AHRR: variants seen among roughly 807,000 people sequenced by gnomAD.
AHRR encodes aryl hydrocarbon receptor repressor.
In AHRR, 28 loss-of-function variants were observed where a neutral mutation model predicts 44.0. The ratio of observed to expected loss-of-function variants is 0.64; its 90% confidence interval spans 0.47 to 0.87. AHRR has a LOEUF of 0.87. Among genes scored for constraint, AHRR ranks in the 40% least tolerant of loss-of-function variants. AHRR has a pLI of 0.00. For synonymous variants in AHRR, 434 were observed against 407.0 expected (o/e 1.07, Z -0.80); for missense variants, 990 against 953.9 (o/e 1.04, Z -0.50).
chr5:353,742 G>C lies in AHRR; in HGVS notation c.75G>C (p.Val25=), dbSNP rs370475780. The C allele has an allele frequency of 2.3e-5, 37 of 1,610,222 alleles. No homozygotes were observed. Among genetic ancestry groups the C allele is most frequent in the Non-Finnish European group, 2.9e-5 (34 of 1,179,194 alleles). Reference sequence around the variant, plus strand: ...CATCTCCCCACAGGAGGCCCGCCGTGGGGGCAGAGAAGTCCAACCCCTCCA... The same window carrying C: ...CATCTCCCCACAGGAGGCCCGCCGTCGGGGCAGAGAAGTCCAACCCCTCCA... The part of the protein sequence containing the change: ...RRPLQKQRPA[V]GAEKSNPSKR... The change falls in exon 3 of 11, where the codon GTG becomes GTC. Residue 25 remains valine (V), a synonymous_variant. Transcript: ENST00000684583.
intron 3 of AHRR, among the ~76,000 whole-genome samples, chr5:376,112 CAG>C (rs1733623972): frequency 9.2e-6 from 1 of 108,512 alleles, no homozygotes; most frequent in African/African-American, 6.1e-5. Context: ...TGCGGGTGTG[CAG>C]GGCACAGAAG....
chr5:389,660 G>T (rs1307086192), intron 4 of AHRR, among the ~76,000 whole-genome samples: 1 of 151,962 alleles, frequency 6.6e-6, no homozygotes, highest in East Asian at 1.9e-4. Flanking sequence ...TCAGAGCACT[G>T]CACGCCTCCA....
intron 4 of AHRR, among the ~76,000 whole-genome samples, chr5:381,133 A>C (rs543400521): frequency 6.6e-6 from 1 of 152,374 alleles, no homozygotes; most frequent in South Asian, 2.1e-4. Flanking sequence ...TGTTTTTCCC[A>C]GCTGGGCCTC....
In AHRR at chr5:337,091, G is replaced by A. The variant is rs1197980109; in HGVS notation, c.-10-6802G>A. The stretch of plus-strand genomic sequence containing the variant: ...TTTCTTTTTAATGTTTTTTTTTAAA[G>A]CCAAACATTTTATTATGGCACTTTT... On this transcript the variant is annotated intron_variant, in intron 1 of 10. Coordinates refer to ENST00000684583, the MANE Select transcript of AHRR (RefSeq NM_001377236.1). This position sits in a 1 kb window ranked among gnomAD's most constrained non-coding sequence, Gnocchi z 4.1. Among the ~76,000 whole-genome samples, 1 of 151,744 alleles carries A rather than the reference G, an allele frequency of 6.6e-6. No homozygotes were observed. The highest frequency in any genetic ancestry group is 1.9e-4 in the East Asian group (1 of 5,186).
At chr5:344,254 G>A (rs1385289928) in intron 2 of AHRR, among the ~76,000 whole-genome samples, 1 of 150,914 alleles carries the variant, frequency 6.6e-6, no homozygotes, top group Non-Finnish European at 1.5e-5. Context: ...GCGGAGCTCC[G>A]GGCGGCAGAG....
chr5:422,644 G>A, intron 5 of AHRR, 85 bp from the exon 6 acceptor site: 1 of 1,592,234 alleles, frequency 6.3e-7, no homozygotes. Context: ...AAGTGGAGTG[G>A]AAATTTTTCG....
intron 4 of AHRR, among the ~76,000 whole-genome samples, 185 bp downstream of exon 4, chr5:376,901 T>C (rs1489582811): frequency 6.6e-6 from 1 of 152,056 alleles, no homozygotes; most frequent in African/African-American, 2.4e-5. Flanking sequence ...TGTCCCTGGG[T>C]CGGGGTCAGC....
chr5:331,389 TG>T (rs201227767), intron 1 of AHRR, among the ~76,000 whole-genome samples: 2 of 19,390 alleles, frequency 1.0e-4, no homozygotes, highest in Non-Finnish European at 2.9e-4. Flanking sequence ...GTGGTATTAG[TG>T]TTTTCCTTTT....
intron 1 of AHRR, among the ~76,000 whole-genome samples, chr5:331,973 G>A (rs929684986): frequency 1.3e-5 from 2 of 152,152 alleles, no homozygotes; most frequent in African/African-American, 4.8e-5. Context: ...TCTTAGCACT[G>A]CTTTTGCTAT....
intron 1 of AHRR, 41 bp from the exon 2 acceptor site, chr5:343,852 C>T: frequency 6.4e-7 from 1 of 1,566,322 alleles, no homozygotes; most frequent in South Asian, 1.1e-5. Flanking sequence ...ACAGGGCGCA[C>T]GTGGCGCGTT....
rs1273707005 is a variant in AHRR, at chr5:434,053, CGT to C, written c.1318_1319del (p.Val440ProfsTer33). On this transcript the variant is annotated frameshift_variant, in exon 11 of 11. Transcript: ENST00000684583. ...CCCCGCGGCTCCTGCCTGCCCTGCC[CGT>C]GTGTCCAGGGCACTTTCAGGAACTC... The C allele has an allele frequency of 6.2e-7, 1 of 1,612,284 alleles. No homozygotes were observed. The highest frequency in any genetic ancestry group is 1.1e-5 in the South Asian group (1 of 90,894).
chr5:423,066 GT>G (rs1736207769), intron 6 of AHRR, among the ~76,000 whole-genome samples: 1 of 152,146 alleles, frequency 6.6e-6, no homozygotes. Context: ...TGTGGCTCGA[GT>G]GTGCTTCACT....
Position 432,847 on chromosome 5 carries a change from C to G in AHRR, c.1012C>G (p.Gln338Glu). The G allele has an allele frequency of 6.2e-7, 1 of 1,613,824 alleles. No homozygotes were observed. The highest frequency in any genetic ancestry group is 8.5e-7 in the Non-Finnish European group (1 of 1,180,024). Residue 338 changes from glutamine (Q) to glutamate (E), a missense_variant, in exon 10 of 11, where the codon CAG (glutamine) becomes GAG (glutamate). Coordinates refer to ENST00000684583, the MANE Select transcript of AHRR (RefSeq NM_001377236.1). ...GAGCGGCGTTTTGGTGCTCAGGGAA[C>G]AGACTGACGCTGGCCGATGGGCACA... ...RESGVLVLRE[Q>E]TDAGRWAQVP...
At chr5:431,150 G>C (rs1224537634) in intron 8 of AHRR, among the ~76,000 whole-genome samples, 1 of 152,208 alleles carries the variant, frequency 6.6e-6, no homozygotes, top group South Asian at 2.1e-4. Context: ...GAGCAGGGCA[G>C]GGCAGGCCTG....
chr5:362,141 G>A (rs147773043), intron 3 of AHRR, among the ~76,000 whole-genome samples: 74 of 152,252 alleles, frequency 4.9e-4, no homozygotes, highest in African/African-American at 1.6e-3. Flanking sequence ...ATTAGCACAC[G>A]TATAAGGAGA....
intron 3 of AHRR, 137 bp from the exon 4 acceptor site, chr5:376,473 G>C: frequency 5.2e-5 from 1 of 19,180 alleles, no homozygotes; most frequent in South Asian, 8.5e-4. Flanking sequence ...GGCCTGCAGA[G>C]GGGTCAGTGC....
Position 367,455 on chromosome 5 carries a change from G to A in AHRR, c.245-9155G>A, listed in dbSNP as rs573782269. ...CATGACCACCCTGCCCCACAGACAC[G>A]GGTCTGAGCTGCAGTGCGTGGTCAA... On this transcript the variant is annotated intron_variant, in intron 3 of 10. Transcript: ENST00000684583. Among the ~76,000 whole-genome samples, 27 of 152,354 alleles carry A rather than the reference G, an allele frequency of 1.8e-4. No individual in the cohort carries two copies. The East Asian group carries it at 5.2e-3, about 29-fold the overall frequency.
chr5:353,718 A>G lies in AHRR; in HGVS notation c.63-12A>G, dbSNP rs780910399. ...TGGAGAAGCCCACCTGACCCAGACC[A>G]TCTCCCCACAGGAGGCCCGCCGTGG... On this transcript the variant is annotated splice_polypyrimidine_tract_variant and intron_variant, in intron 2 of 10. Coordinates refer to ENST00000684583, the MANE Select transcript of AHRR (RefSeq NM_001377236.1). 3.1e-6 allele frequency: 5 copies of G among 1,600,084 alleles called. No homozygotes were observed. Among genetic ancestry groups the G allele is most frequent in the Non-Finnish European group, 3.4e-6 (4 of 1,175,514 alleles).
chr5:333,826 A>G (rs908517118), intron 1 of AHRR, among the ~76,000 whole-genome samples: 1 of 152,044 alleles, frequency 6.6e-6, no homozygotes, highest in African/African-American at 2.4e-5. Context: ...TGAGTTTTAT[A>G]TATACTTTTG....
Sources: gnomAD v4.1 joint callset for allele counts (sites outside exome capture counted in the v4.1 genomes callset) on GRCh38, gnomAD v4.1.1 for gene constraint, Gnocchi (gnomAD v3.1) non-coding constraint, MANE v1.5 for transcripts, NCBI Gene and HGNC (gene_info 2026-07-23, HGNC 2026-07-21) for gene names.